The following VPS41 variants were observed in gnomAD, a reference collection of about 807,000 sequenced individuals.
The protein encoded by VPS41 is vacuolar protein sorting-associated protein 41 homolog.
VPS41 carries 85 observed loss-of-function variants against 130.9 expected under a neutral mutation model. That is an observed-to-expected ratio of 0.65 (90% CI 0.55 to 0.78). VPS41 has a LOEUF of 0.78. Among genes scored for constraint, VPS41 ranks in the 30% least tolerant of loss-of-function variants. VPS41 has a pLI of 0.00. For synonymous variants in VPS41, 335 were observed against 332.9 expected, an observed-to-expected ratio of 1.01 and a Z score of -0.07; for missense variants, 874 against 1,018.7, an observed-to-expected ratio of 0.86 and a Z score of 1.93.
intron 4 of VPS41, among the ~76,000 whole-genome samples, chr7:38,850,408 G>C (rs949894670): frequency 2.0e-5 from 3 of 152,150 alleles, no homozygotes; most frequent in African/African-American, 7.2e-5. Context: ...GGATCTGTAA[G>C]AGTTCCTTAT....
At chr7:38,772,793 G>GA (rs773906280) in intron 12 of VPS41, among the ~76,000 whole-genome samples, 156 bp from the exon 13 acceptor site, 9 of 152,092 alleles carry the variant, frequency 5.9e-5, no homozygotes, top group Non-Finnish European at 1.0e-4. Flanking sequence ...GTAAGTGTGG[G>GA]AGACAGGGTA....
intron 2 of VPS41, among the ~76,000 whole-genome samples, chr7:38,875,379 T>C (rs1786471115): frequency 2.0e-5 from 3 of 152,132 alleles, no homozygotes; most frequent in Admixed American, 2.0e-4. Context: ...AAAAAGAACC[T>C]GAAGGTAAAG....
chr7:38,848,736 G>A (rs1313208303), intron 4 of VPS41, among the ~76,000 whole-genome samples: 1 of 152,138 alleles, frequency 6.6e-6, no homozygotes, highest in African/African-American at 2.4e-5. Flanking sequence ...GCTGGCGTCT[G>A]ACCCCAAGCC....
chr7:38,753,544 A>G (rs1783726555), intron 21 of VPS41, among the ~76,000 whole-genome samples: 1 of 152,142 alleles, frequency 6.6e-6, no homozygotes, highest in Non-Finnish European at 1.5e-5. Context: ...ATGAATGCTG[A>G]GTCAAATTTA....
intron 4 of VPS41, among the ~76,000 whole-genome samples, chr7:38,854,588 T>C (rs148686102): frequency 4.0e-4 from 61 of 152,220 alleles, no homozygotes; most frequent in African/African-American, 1.4e-3. Context: ...ACAATAATCC[T>C]GATATGGGAG....
chr7:38,810,851 T>C (rs1308825091), intron 7 of VPS41, among the ~76,000 whole-genome samples: 1 of 152,184 alleles, frequency 6.6e-6, no homozygotes, highest in Non-Finnish European at 1.5e-5. Flanking sequence ...ATCTATAACA[T>C]GATTATTGCA....
At chr7:38,897,826 A>G (rs182731980) in intron 2 of VPS41, among the ~76,000 whole-genome samples, 39 of 152,348 alleles carry the variant, frequency 2.6e-4, no homozygotes, top group African/African-American at 8.4e-4. Context: ...AAAACTTTGT[A>G]TCAATTTTCC....
intron 8 of VPS41, 103 bp from the exon 9 acceptor site, chr7:38,795,714 A>G: frequency 9.3e-7 from 1 of 1,070,072 alleles, no homozygotes; most frequent in Non-Finnish European, 1.3e-6. Context: ...GCACGGAGAA[A>G]TATTAGCAGT....
At position 38,818,404 on chromosome 7, in the gene VPS41, A is replaced by G. The variant is rs28490314; in HGVS notation, c.385-522T>C. On this transcript the variant is annotated intron_variant, in intron 6 of 28. Transcript: ENST00000310301. Reference sequence around the variant, plus strand: ...AGAGAACAGAGCTACAGGCCCAAAGAGCTAACCGTTCAGGACTTAGCTTTT... The same window carrying G: ...AGAGAACAGAGCTACAGGCCCAAAGGGCTAACCGTTCAGGACTTAGCTTTT... 2.0e-5 allele frequency among the ~76,000 whole-genome samples: 3 copies of G among 152,138 alleles called. No individual in the cohort carries two copies. In the East Asian group the frequency reaches 5.8e-4, roughly 29 times the overall value.
chr7:38,828,253 A>G (rs533795235), intron 5 of VPS41, among the ~76,000 whole-genome samples: 30 of 152,200 alleles, frequency 2.0e-4, no homozygotes, highest in Non-Finnish European at 3.7e-4. Flanking sequence ...ACACACACAC[A>G]CACACGCACA....
At chr7:38,895,523 A>G (rs556587846) in intron 2 of VPS41, among the ~76,000 whole-genome samples, 31 of 152,032 alleles carry the variant, frequency 2.0e-4, no homozygotes, top group Non-Finnish European at 4.4e-4. Context: ...TTCATTTTTA[A>G]ATGTCTTGGA....
At chr7:38,830,755 T>A (rs896760874) in intron 4 of VPS41, among the ~76,000 whole-genome samples, 1 of 152,210 alleles carries the variant, frequency 6.6e-6, no homozygotes, top group Non-Finnish European at 1.5e-5. Flanking sequence ...AAATCCTTTC[T>A]CATCTTGATC....
At chr7:38,736,222 T>G (rs539692944) in intron 25 of VPS41, among the ~76,000 whole-genome samples, 1 of 152,218 alleles carries the variant, frequency 6.6e-6, no homozygotes, top group African/African-American at 2.4e-5. Flanking sequence ...TTTCAATACA[T>G]AGACTAGTGC....
chr7:38,739,479 T>C (rs1584366014), intron 25 of VPS41, among the ~76,000 whole-genome samples: 1 of 152,366 alleles, frequency 6.6e-6, no homozygotes, highest in Non-Finnish European at 1.5e-5. Context: ...ATTTTTACAG[T>C]GAACCCTAAT....
chr7:38,889,965 C>T (rs983725633), intron 2 of VPS41, among the ~76,000 whole-genome samples: 1 of 152,158 alleles, frequency 6.6e-6, no homozygotes, highest in Non-Finnish European at 1.5e-5. Context: ...TTCTACACTT[C>T]ACTAGAAGTG....
chr7:38,907,637 C>T (rs1787297146), intron 1 of VPS41, among the ~76,000 whole-genome samples: 1 of 152,092 alleles, frequency 6.6e-6, no homozygotes, highest in East Asian at 1.9e-4. Flanking sequence ...TTGTATGTGT[C>T]ATTTTTATAT....
At chr7:38,895,647 G>GT (rs1365556992) in intron 2 of VPS41, among the ~76,000 whole-genome samples, 1 of 152,094 alleles carries the variant, frequency 6.6e-6, no homozygotes, top group African/African-American at 2.4e-5. Context: ...TGGTGAGTAG[G>GT]TAAGTCTCCT....
intron 25 of VPS41, among the ~76,000 whole-genome samples, chr7:38,737,749 T>C (rs2107743): frequency 0.65 from 98,279 of 151,926 alleles, 33,026 homozygotes; most frequent in Admixed American, 0.78. Context: ...AACTCCTGAG[T>C]GTTGTGTCCA....
At chr7:38,739,806 C>G (rs1431837954) in intron 25 of VPS41, among the ~76,000 whole-genome samples, 1 of 152,206 alleles carries the variant, frequency 6.6e-6, no homozygotes, top group Admixed American at 6.5e-5. Context: ...CTAAATAATT[C>G]TGAACCTCCT....
Sources: allele counts gnomAD v4.1 joint callset (sites outside exome capture counted in the v4.1 genomes callset), GRCh38; gene constraint gnomAD v4.1.1; transcripts MANE v1.5; gene names NCBI Gene and HGNC (gene_info 2026-07-23, HGNC 2026-07-21).